LRRC52: variants seen among roughly 807,000 people sequenced by gnomAD.
The protein encoded by LRRC52 is leucine rich repeat containing 52.
LRRC52 carries 15 observed loss-of-function variants against 14.7 expected under a neutral mutation model. The ratio of observed to expected loss-of-function variants is 1.02; its 90% CI spans 0.68 to 1.58. LRRC52 has a LOEUF of 1.58. LRRC52 is among the 40% of genes most tolerant of loss of function. The pLI is 0.00. For missense variants in LRRC52, 400 were observed against 387.7 expected, an observed-to-expected ratio of 1.03 and a Z score of -0.27; for synonymous variants, 180 against 163.9, an observed-to-expected ratio of 1.10 and a Z score of -0.75.
chr1:165,558,516 T>G (rs1473066478), intron 1 of LRRC52, among the ~76,000 whole-genome samples: 1 of 152,174 alleles, frequency 6.6e-6, no homozygotes, highest in Non-Finnish European at 1.5e-5. Flanking sequence ...AAGTAGAGCT[T>G]AGAGCTTAAT....
chr1:165,554,426 G>T (rs956503361), intron 1 of LRRC52, among the ~76,000 whole-genome samples: 14 of 150,476 alleles, frequency 9.3e-5, no homozygotes, highest in Admixed American at 2.0e-4. Flanking sequence ...AATGATAGGT[G>T]GTTGTTGTTG....
At chr1:165,549,711 C>T (rs285434) in intron 1 of LRRC52, among the ~76,000 whole-genome samples, 141,758 of 152,300 alleles carry the variant, frequency 0.93, 66,274 homozygotes, top group East Asian at 1. Context: ...CAATATCATA[C>T]GCTTCTTCAA....
At chr1:165,563,154 C>T (rs1011800733) in intron 1 of LRRC52, among the ~76,000 whole-genome samples, 6 of 152,150 alleles carry the variant, frequency 3.9e-5, no homozygotes, top group African/African-American at 1.4e-4. Flanking sequence ...TCCAACCTCC[C>T]CACCCCTGTT....
At chr1:165,546,995 C>G (rs1047632364) in intron 1 of LRRC52, among the ~76,000 whole-genome samples, 1 of 152,086 alleles carries the variant, frequency 6.6e-6, no homozygotes, top group African/African-American at 2.4e-5. Context: ...ACACACGTAC[C>G]CACAACTGCT....
chr1:165,559,226 T>A (rs1396059985), intron 1 of LRRC52, among the ~76,000 whole-genome samples: 1 of 150,944 alleles, frequency 6.6e-6, no homozygotes, highest in African/African-American at 2.5e-5. Context: ...CCATCTCTAC[T>A]AAAAATATAA....
chr1:165,551,002 TGA>T (rs1313483751), intron 1 of LRRC52, among the ~76,000 whole-genome samples: 1 of 151,742 alleles, frequency 6.6e-6, no homozygotes, highest in African/African-American at 2.4e-5. Flanking sequence ...ACACAGGAGG[TGA>T]GAGGAGAACA....
chr1:165,555,678 T>C (rs1161386257), intron 1 of LRRC52, among the ~76,000 whole-genome samples: 2 of 152,202 alleles, frequency 1.3e-5, no homozygotes, highest in Non-Finnish European at 2.9e-5. Flanking sequence ...TCCAGGTAAT[T>C]AGAAGAGGTA....
In LRRC52 at chr1:165,544,916, C is replaced by G; in HGVS notation, c.620C>G (p.Ser207Ter). 1 of 1,612,846 alleles carries G rather than the reference C, an allele frequency of 6.2e-7. No homozygotes were observed. Among genetic ancestry groups the G allele is most frequent in the Non-Finnish European group, 8.5e-7 (1 of 1,179,034 alleles). The change falls in exon 1 of 2, where the codon TCA becomes TGA. Residue 207 changes from serine (S) to a stop codon, truncating the protein, a stop_gained and splice_region_variant. Transcript: ENST00000294818. LOFTEE classifies it low-confidence loss of function (END_TRUNC). Reference protein sequence around the residue: ...IFLIVFHMDPSDDLNATCVEP... With the variant: ...IFLIVFHMDP ...TTAATAGTGTTCCATATGGACCCCT[C>G]AGGTGAGGGCTTGATTGGGTGTGGG...
Position 165,563,693 on chromosome 1 carries a change from G to A in LRRC52, c.811G>A (p.Val271Met). The change falls in exon 2 of 2, where the codon GTG becomes ATG. Residue 271 changes from valine to methionine, a missense_variant. Coordinates refer to ENST00000294818, the MANE Select transcript of LRRC52 (RefSeq NM_001005214.4). ...VAAWLTGVCA[V>M]LYQNTRHKSS... ...TGCCTGGCTCACAGGTGTGTGTGCT[G>A]TGCTCTACCAGAACACCCGCCACAA... is the stretch of plus-strand genomic sequence containing the variant. 6.2e-7 allele frequency: 1 copy of A among 1,614,174 alleles called. No individual in the cohort carries two copies. Among genetic ancestry groups the A allele is most frequent in the South Asian group, 1.1e-5 (1 of 91,084 alleles).
At chr1:165,552,634 A>C (rs1661156925) in intron 1 of LRRC52, among the ~76,000 whole-genome samples, 1 of 152,166 alleles carries the variant, frequency 6.6e-6, no homozygotes, top group Non-Finnish European at 1.5e-5. Flanking sequence ...AAGCAACAGG[A>C]TTTGGGACTG....
At chr1:165,561,270 T>C (rs181887558) in intron 1 of LRRC52, among the ~76,000 whole-genome samples, 3 of 152,330 alleles carry the variant, frequency 2.0e-5, no homozygotes, top group East Asian at 3.9e-4. Flanking sequence ...CAAGCTGCAA[T>C]TTGAAAGCCC....
Position 165,563,617 on chromosome 1 carries a change from C to T in LRRC52, c.735C>T (p.Tyr245=). 6.2e-7 allele frequency: 1 copy of T among 1,614,262 alleles called. No homozygotes were observed. The highest frequency in any genetic ancestry group is 8.5e-7 in the Non-Finnish European group (1 of 1,180,050). The change falls in exon 2 of 2, where the codon TAC becomes TAT. Residue 245 remains tyrosine, a synonymous_variant. Transcript: ENST00000294818. The part of the protein sequence containing the change: ...MCITHLDHKD[Y]IFLLLIGFCI... The stretch of plus-strand genomic sequence containing the variant: ...TCACGCACCTGGACCACAAAGACTA[C>T]ATCTTCCTGCTGCTCATCGGCTTCT...
rs374573410 is a variant in LRRC52 at position 165,560,024 on chromosome 1, G to A, written c.623-3481G>A. ...AGACTGGCACAATCTAGACACACCAGTCCACCTAATATGCACATCTTTGAG... is the reference window on the plus strand; with the variant it reads ...AGACTGGCACAATCTAGACACACCAATCCACCTAATATGCACATCTTTGAG... On this transcript the variant is annotated intron_variant, in intron 1 of 1. Coordinates refer to ENST00000294818, the MANE Select transcript of LRRC52 (RefSeq NM_001005214.4). 2.0e-4 allele frequency among the ~76,000 whole-genome samples: 31 copies of A among 152,270 alleles called. No individual in the cohort carries two copies. The East Asian group carries it at 5.2e-3, about 26-fold the overall frequency.
intron 1 of LRRC52, among the ~76,000 whole-genome samples, chr1:165,551,660 A>T (rs1472195073): frequency 6.6e-6 from 1 of 152,164 alleles, no homozygotes. Context: ...AGGGTGCTGC[A>T]GAGGCAGTGG....
chr1:165,547,543 T>A (rs1661047317), intron 1 of LRRC52, among the ~76,000 whole-genome samples: 1 of 152,162 alleles, frequency 6.6e-6, no homozygotes, highest in Non-Finnish European at 1.5e-5. Flanking sequence ...TGGGCCTTAA[T>A]CAGTCTGGTT....
Position 165,544,370 on chromosome 1 carries a change from A to T in LRRC52, c.74A>T (p.Lys25Met), listed in dbSNP as rs771000900. The T allele has an allele frequency of 6.2e-7, 1 of 1,614,064 alleles. No individual in the cohort carries two copies. The highest frequency in any genetic ancestry group is 1.1e-5 in the South Asian group (1 of 91,066). The change falls in exon 1 of 2, where the codon AAG becomes ATG. Residue 25 changes from lysine to methionine, a missense_variant. Lys to Met is a moderately conservative substitution (Grantham distance 95, BLOSUM62 -1). Transcript: ENST00000294818. The part of the protein sequence containing the change: ...SFGMGLVSGS[K>M]CPNNCLCQAQ... ...GGAATGGGGCTGGTATCAGGGTCAAAGTGTCCAAATAATTGTCTGTGTCAA... is the reference window on the plus strand; with the variant it reads ...GGAATGGGGCTGGTATCAGGGTCAATGTGTCCAAATAATTGTCTGTGTCAA...
Position 165,544,698 on chromosome 1 carries a change from C to T in LRRC52, c.402C>T (p.Asn134=), listed in dbSNP as rs138107763. The part of the protein sequence containing the change: ...LSNLVQLNIA[N]NPHLLSLHKF... ...ACCTGGTGCAGCTGAACATTGCCAACAACCCTCACCTGTTATCGCTTCACA... is the reference window on the plus strand; with the variant it reads ...ACCTGGTGCAGCTGAACATTGCCAATAACCCTCACCTGTTATCGCTTCACA... Residue 134 remains asparagine, a synonymous_variant, in exon 1 of 2, where the codon AAC becomes AAT. Coordinates refer to ENST00000294818, the MANE Select transcript of LRRC52 (RefSeq NM_001005214.4). The T allele has an allele frequency of 8.1e-6, 13 of 1,614,012 alleles. 1 individual carries two copies. In the Admixed American group the frequency reaches 2.0e-4, roughly 25 times the overall value.
At chr1:165,563,385 G>C (rs555056361) in intron 1 of LRRC52, 120 bp from the exon 2 acceptor site, 1 of 816,024 alleles carries the variant, frequency 1.2e-6, no homozygotes, top group African/African-American at 1.7e-5. Context: ...CGATGCTGCT[G>C]GCCCACAGAC....
chr1:165,562,976 G>T (rs1353286077), intron 1 of LRRC52, among the ~76,000 whole-genome samples: 1 of 152,092 alleles, frequency 6.6e-6, no homozygotes. Context: ...TGAGTGGCTT[G>T]CAATGCTCTC....
Sources: allele counts gnomAD v4.1 joint callset (sites outside exome capture counted in the v4.1 genomes callset), GRCh38; gene constraint gnomAD v4.1.1; transcripts MANE v1.5; gene names NCBI Gene and HGNC (gene_info 2026-07-23, HGNC 2026-07-21).